DNAH9: variants seen among roughly 807,000 people sequenced by gnomAD.
The protein encoded by DNAH9 is dynein axonemal heavy chain 9, also known as DNAH9 variant protein.
In DNAH9, 345 loss-of-function variants were observed where a neutral mutation model predicts 471.6. The observed-to-expected ratio is 0.73, with a 90% CI of 0.67 to 0.80. The LOEUF is 0.80. DNAH9 is among the 30% of genes least tolerant of loss of function. The probability of loss-of-function intolerance (pLI) is 0.00; values close to 1 mark genes in which losing one functional copy is unlikely to be tolerated. For synonymous variants in DNAH9, 2,093 were observed against 2,123.6 expected (o/e 0.99, Z 0.40); for missense variants, 5,407 against 5,609.2 (o/e 0.96, Z 1.15).
intron 61 of DNAH9, among the ~76,000 whole-genome samples, chr17:11,921,415 C>T (rs1035673639): frequency 1.3e-5 from 2 of 151,742 alleles, no homozygotes; most frequent in East Asian, 1.9e-4. Flanking sequence ...TGACGCACAC[C>T]GTAAAGATGT....
At position 11,930,055 on chromosome 17, in the gene DNAH9, C is replaced by A. The variant is rs1172816138; in HGVS notation, c.12067C>A (p.His4023Asn). 2 of 1,614,138 alleles carry A rather than the reference C, an allele frequency of 1.2e-6. No individual in the cohort carries two copies. ...KITNEPPTGM[H>N]ANLHKALDNF... The stretch of plus-strand genomic sequence containing the variant: ...CACCAATGAGCCCCCCACGGGCATG[C>A]ATGCCAACCTGCACAAGGCCCTGGA... Residue 4023 changes from histidine (H) to asparagine (N), a missense_variant, in exon 63 of 69, where the codon CAT becomes AAT. This residue lies in a region of DNAH9 where 4,636 missense variants were observed against 4,900.3 expected (regional missense o/e 0.95). Coordinates refer to ENST00000262442, the MANE Select transcript of DNAH9 (RefSeq NM_001372.4).
chr17:11,598,806 T>C lies in DNAH9; in HGVS notation c.308T>C (p.Phe103Ser), dbSNP rs373784591. 587 of 1,480,538 alleles carry C rather than the reference T, an allele frequency of 4.0e-4. 2 individuals are homozygous for C. The highest frequency in any genetic ancestry group is 9.6e-4 in the East Asian group (34 of 35,574). 91.7% of individuals were successfully genotyped at this position (1,480,538 alleles called of 1,614,324 possible). Residue 103 changes from phenylalanine (F) to serine (S), a missense_variant, in exon 1 of 69, where the codon TTC becomes TCC. By Grantham distance (155) the Phe-to-Ser change is radical. Coordinates refer to ENST00000262442, the MANE Select transcript of DNAH9 (RefSeq NM_001372.4). Reference protein sequence around the residue: ...SGLAGAKALFFLRTGPEPPGP... With the variant: ...SGLAGAKALFSLRTGPEPPGP... ...CTGGCTGGCGCTAAGGCGCTTTTTT[T>C]CCTTCGCACCGGGCCCGAGCCTCCA...
chr17:11,840,724 GA>G (rs994006282), intron 49 of DNAH9, among the ~76,000 whole-genome samples: 3 of 152,108 alleles, frequency 2.0e-5, no homozygotes, highest in Admixed American at 2.0e-4. Context: ...AGAAGAGAGA[GA>G]AAAAAGGTCG....
chr17:11,772,375 G>C (rs1373346081), intron 38 of DNAH9, among the ~76,000 whole-genome samples: 2 of 152,124 alleles, frequency 1.3e-5, no homozygotes, highest in Non-Finnish European at 2.9e-5. Flanking sequence ...GAGAAGATGA[G>C]TTTCTCACAC....
chr17:11,742,348 C>T (rs372914415), intron 30 of DNAH9, 35 bp downstream of exon 30: 18 of 1,600,954 alleles, frequency 1.1e-5, no homozygotes, highest in Admixed American at 3.4e-5. Context: ...AACCAAGCAC[C>T]GTGCAACAGC....
rs1197683765 is a variant in DNAH9, at chr17:11,886,507, T to C, written c.10972-318T>C. 5.5e-5 allele frequency among the ~76,000 whole-genome samples: 5 copies of C among 91,634 alleles called. 1 individual carries two copies. The Middle Eastern group carries it at 0.016, about 292-fold the overall frequency. The allele number at this position is 91,634 out of a possible 152,430, so 60.1% of individuals were successfully genotyped here. A position where few individuals can be genotyped will look rare whatever the true frequency, so the allele number is the denominator to read the frequency against. On this transcript the variant is annotated intron_variant, in intron 56 of 68. Coordinates refer to ENST00000262442, the MANE Select transcript of DNAH9 (RefSeq NM_001372.4). ...ATTCTAGTTCATTTTTGAGTCATAC[T>C]TTTTTTTTTTTTTTTTTGCATTTCC...
At chr17:11,727,965 G>A in intron 28 of DNAH9, 43 bp downstream of exon 28, 1 of 1,231,730 alleles carries the variant, frequency 8.1e-7, no homozygotes. Context: ...TCTTCATATT[G>A]ATTACTGCGG....
intron 19 of DNAH9, among the ~76,000 whole-genome samples, chr17:11,682,824 GTTTCCTTTCAA>G (rs2074157990): frequency 1.3e-5 from 2 of 152,116 alleles, no homozygotes; most frequent in Non-Finnish European, 2.9e-5. Flanking sequence ...GAAGTAATTG[GTTTCCTTTCAA>G]GCAATCATGA....
At chr17:11,696,710 C>CT (rs922479343) in intron 22 of DNAH9, among the ~76,000 whole-genome samples, 2 of 152,110 alleles carry the variant, frequency 1.3e-5, no homozygotes, top group Non-Finnish European at 2.9e-5. Flanking sequence ...TATAGCAGTT[C>CT]TTTTTTTCCT....
At chr17:11,762,430 G>A (rs1410042106) in intron 35 of DNAH9, among the ~76,000 whole-genome samples, 1 of 152,180 alleles carries the variant, frequency 6.6e-6, no homozygotes, top group East Asian at 1.9e-4. Context: ...GTGTGTGTGA[G>A]CTTGTGCATG....
At chr17:11,882,047 C>T (rs1450441215) in intron 55 of DNAH9, among the ~76,000 whole-genome samples, 1 of 152,254 alleles carries the variant, frequency 6.6e-6, no homozygotes, top group Non-Finnish European at 1.5e-5. Flanking sequence ...ACAAGGGTAA[C>T]AGAACTAGGT....
At chr17:11,619,854 T>C (rs1188126126) in intron 6 of DNAH9, 73 bp downstream of exon 6, 2 of 840,804 alleles carry the variant, frequency 2.4e-6, no homozygotes, top group Admixed American at 1.9e-5. Flanking sequence ...AAAAGTGGAA[T>C]AGGAAAATGC....
intron 61 of DNAH9, among the ~76,000 whole-genome samples, chr17:11,921,014 A>C (rs543984131): frequency 1.3e-5 from 2 of 151,698 alleles, no homozygotes; most frequent in South Asian, 4.2e-4. Context: ...GGTGGCGGGC[A>C]CCTGTAATCC....
At chr17:11,908,750 G>T (rs968342313) in intron 61 of DNAH9, among the ~76,000 whole-genome samples, 3 of 152,226 alleles carry the variant, frequency 2.0e-5, no homozygotes, top group African/African-American at 7.2e-5. Flanking sequence ...TGGACAAAAA[G>T]AATCTCCTGT....
chr17:11,700,312 T>C (rs577159946), intron 23 of DNAH9, among the ~76,000 whole-genome samples: 1 of 152,180 alleles, frequency 6.6e-6, no homozygotes, highest in African/African-American at 2.4e-5. Flanking sequence ...TCCTGAGATG[T>C]CCCCTCTCTG....
rs1973232434 is a variant in DNAH9, at chr17:11,896,811, CTG to C, written c.11406+2316_11406+2317del. ...ATGTTTTAAAAATGGATAAAATTGA[CTG>C]GGCACGGTGGCTCACGTCTGTAATT... On this transcript the variant is annotated intron_variant, in intron 59 of 68. Transcript: ENST00000262442. 2.0e-5 allele frequency among the ~76,000 whole-genome samples: 3 copies of C among 152,314 alleles called. No individual in the cohort carries two copies. The South Asian group carries it at 6.2e-4, about 32-fold the overall frequency.
At chr17:11,676,814 T>C (rs892082898) in intron 17 of DNAH9, among the ~76,000 whole-genome samples, 1 of 152,158 alleles carries the variant, frequency 6.6e-6, no homozygotes, top group African/African-American at 2.4e-5. Flanking sequence ...AAGTTATAAA[T>C]TCTCTTCTAA....
chr17:11,856,329 G>A (rs1017294022), intron 50 of DNAH9, among the ~76,000 whole-genome samples: 1 of 152,140 alleles, frequency 6.6e-6, no homozygotes, highest in Non-Finnish European at 1.5e-5. Context: ...CGTGACATGG[G>A]TTTATTGATT....
At chr17:11,884,946 A>T (rs1430506291) in intron 56 of DNAH9, among the ~76,000 whole-genome samples, 1 of 152,058 alleles carries the variant, frequency 6.6e-6, no homozygotes, top group Non-Finnish European at 1.5e-5. Flanking sequence ...TTTTTCTTTA[A>T]AATCAATGAA....
Sources: gnomAD v4.1 joint callset for allele counts (sites outside exome capture counted in the v4.1 genomes callset) on GRCh38, gnomAD v4.1.1 for gene constraint, gnomAD v4.1.1 regional missense constraint, MANE v1.5 for transcripts, NCBI Gene and HGNC (gene_info 2026-07-23, HGNC 2026-07-21) for gene names.